Variants in RPS6KA3 observed in about 807,000 individuals in gnomAD.
The protein encoded by RPS6KA3 is ribosomal protein S6 kinase A3.
Under a neutral mutation model 67.2 loss-of-function variants are expected in RPS6KA3, and 4 were observed. That is an observed-to-expected ratio of 0.06 (90% confidence interval 0.03 to 0.14). The LOEUF (loss-of-function observed/expected upper bound fraction) is 0.14, where lower values mean the gene tolerates loss of function less well. Ranked by LOEUF, RPS6KA3 falls within the 10% of genes least tolerant of loss-of-function variation. The pLI is 1.00. For missense variants in RPS6KA3, 204 were observed against 559.0 expected (o/e 0.36, Z 6.40); for synonymous variants, 182 against 183.7 (o/e 0.99, Z 0.07).
intron 1 of RPS6KA3, among the ~76,000 whole-genome samples, chrX:20,261,205 G>A (rs1346190180): frequency 5.4e-5 from 6 of 111,107 alleles, no homozygotes; most frequent in South Asian, 7.6e-4. Context: ...ACATACAATT[G>A]GATAGAAGGA....
chrX:20,202,666 G>C (rs1390041919), intron 4 of RPS6KA3, among the ~76,000 whole-genome samples: 1 of 112,063 alleles, frequency 8.9e-6, no homozygotes, highest in East Asian at 2.8e-4. Flanking sequence ...AATAGGGATT[G>C]GGCATTTATT....
chrX:20,263,772 G>A (rs1049299752), intron 1 of RPS6KA3, among the ~76,000 whole-genome samples: 1 of 111,579 alleles, frequency 9.0e-6, no homozygotes, highest in African/African-American at 3.3e-5. Context: ...TATTTATTAA[G>A]TCCACAATAT....
At chrX:20,234,852 G>A in intron 1 of RPS6KA3, 38 bp from the exon 2 acceptor site, 1 of 1,044,304 alleles carries the variant, frequency 9.6e-7, no homozygotes. Flanking sequence ...TACCAAAACA[G>A]ACCTCACATC....
chrX:20,225,660 C>G (rs2069101891), intron 2 of RPS6KA3, among the ~76,000 whole-genome samples: 1 of 111,431 alleles, frequency 9.0e-6, no homozygotes, highest in Non-Finnish European at 1.9e-5. Flanking sequence ...ATTGTCTACT[C>G]TGCTAGGGCT....
At chrX:20,244,287 C>T (rs1200232993) in intron 1 of RPS6KA3, among the ~76,000 whole-genome samples, 2 of 111,575 alleles carry the variant, frequency 1.8e-5, no homozygotes, top group African/African-American at 3.3e-5. Flanking sequence ...CCTCAGCCTC[C>T]GAAAGTGCTA....
chrX:20,266,998 G>A, upstream of RPS6KA3: 2 of 752,929 alleles, frequency 2.7e-6, no homozygotes, highest in Non-Finnish European at 1.6e-6. Flanking sequence ...ACCGCCGCGC[G>A]CTCCCCCACT....
Position 20,204,276 on chromosome X carries a change from A to G in RPS6KA3, c.244-173T>C, listed in dbSNP as rs183962694. 4.5e-5 allele frequency among the ~76,000 whole-genome samples: 5 copies of G among 112,027 alleles called. No homozygotes were observed. In the Admixed American group the frequency reaches 4.7e-4, roughly 11 times the overall value. On this transcript the variant is annotated intron_variant, in intron 3 of 21. Coordinates refer to ENST00000379565, the MANE Select transcript of RPS6KA3 (RefSeq NM_004586.3). ...ATACTAGTTATAAACATTTGTTATA[A>G]CTTGGGGTGTCAATATAAGGGAATA...
At chrX:20,241,429 G>GA (rs1166076802) in intron 1 of RPS6KA3, among the ~76,000 whole-genome samples, 127 of 75,949 alleles carry the variant, frequency 1.7e-3, no homozygotes, top group Non-Finnish European at 2.3e-3. Context: ...TTGAGTAAAT[G>GA]AAAAAAAAAA....
chrX:20,240,340 T>A (rs2069521338), intron 1 of RPS6KA3, among the ~76,000 whole-genome samples: 1 of 92,850 alleles, frequency 1.1e-5, no homozygotes, highest in East Asian at 3.7e-4. Flanking sequence ...CACAAGTATA[T>A]CTACTTTCCA....
At chrX:20,244,742 C>T (rs2069640857) in intron 1 of RPS6KA3, among the ~76,000 whole-genome samples, 1 of 112,272 alleles carries the variant, frequency 8.9e-6, no homozygotes, top group Non-Finnish European at 1.9e-5. Context: ...GCTCATTTTT[C>T]TCCATTCATA....
At chrX:20,188,069 T>A in intron 8 of RPS6KA3, 99 bp from the exon 9 acceptor site, 1 of 796,729 alleles carries the variant, frequency 1.3e-6, no homozygotes, top group Non-Finnish European at 1.8e-6. Flanking sequence ...CTAATACAAG[T>A]TTTTTTTGTT....
At chrX:20,172,629 T>C in intron 15 of RPS6KA3, 117 bp downstream of exon 15, 1 of 581,552 alleles carries the variant, frequency 1.7e-6, no homozygotes, top group Non-Finnish European at 2.8e-6. Flanking sequence ...TAGCCAGATA[T>C]TTAACTTTTT....
intron 1 of RPS6KA3, among the ~76,000 whole-genome samples, chrX:20,244,206 T>C (rs1055357159): frequency 9.0e-6 from 1 of 111,650 alleles, no homozygotes; most frequent in Non-Finnish European, 1.9e-5. Flanking sequence ...CCATGTCACC[T>C]AGGATGGAGT....
intron 17 of RPS6KA3, among the ~76,000 whole-genome samples, chrX:20,166,150 T>C (rs1191168218): frequency 1.8e-5 from 2 of 112,167 alleles, no homozygotes; most frequent in African/African-American, 3.2e-5. Context: ...AGTGGGGGAC[T>C]ACTGTACTTT....
intron 2 of RPS6KA3, among the ~76,000 whole-genome samples, chrX:20,211,572 C>CAAAAA (rs1309662484): frequency 9.3e-6 from 1 of 107,987 alleles, no homozygotes; most frequent in Admixed American, 9.8e-5. Flanking sequence ...ACCAAAACAA[C>CAAAAA]AAACAAAACA....
chrX:20,265,796 A>G (rs2070361378), intron 1 of RPS6KA3: 1 of 110,149 alleles, frequency 9.1e-6, no homozygotes, highest in East Asian at 2.8e-4. Flanking sequence ...GGGCACTAGG[A>G]TGGGTGACTC....
At chrX:20,176,108 C>G in intron 13 of RPS6KA3, 142 bp downstream of exon 13, 2 of 475,911 alleles carry the variant, frequency 4.2e-6, no homozygotes, top group Non-Finnish European at 7.6e-6. Flanking sequence ...TGGCCTCAAG[C>G]GATCTGCTCG....
In RPS6KA3 at chrX:20,266,825, C is replaced by T; in HGVS notation, c.-193G>A. The T allele has an allele frequency of 2.7e-6, 1 of 367,109 alleles. No individual in the cohort carries two copies. Among genetic ancestry groups the T allele is most frequent in the Non-Finnish European group, 3.5e-6 (1 of 285,365 alleles). The allele number at this position is 367,109 out of a possible 1,213,427, so 30.3% of individuals were successfully genotyped here. The stretch of plus-strand genomic sequence containing the variant: ...GGGCTCGACGCCGACGCCGACCGCC[C>T]GAAAGCCGCGCGCCTGGCCAGAGAC... On this transcript the variant is annotated 5_prime_UTR_variant, in exon 1 of 22. Transcript: ENST00000379565.
chrX:20,163,706 T>C (rs1364048553), intron 18 of RPS6KA3, among the ~76,000 whole-genome samples: 1 of 110,740 alleles, frequency 9.0e-6, no homozygotes, highest in Non-Finnish European at 1.9e-5. Flanking sequence ...TCTCACTCTG[T>C]CGCCCAGGCT....
Sources: gnomAD v4.1 joint callset for allele counts (sites outside exome capture counted in the v4.1 genomes callset) on GRCh38, gnomAD v4.1.1 for gene constraint, MANE v1.5 for transcripts, NCBI Gene and HGNC (gene_info 2026-07-23, HGNC 2026-07-21) for gene names.